Variants in MUC4 observed in about 807,000 individuals in gnomAD.
MUC4 encodes mucin-4.
MUC4 carries 202 observed loss-of-function variants against 257.9 expected under a neutral mutation model. The ratio of observed to expected loss-of-function variants is 0.78; its 90% CI spans 0.70 to 0.88. The LOEUF (loss-of-function observed/expected upper bound fraction) is 0.88. Ranked by LOEUF, MUC4 falls within the 40% of genes least tolerant of loss-of-function variation. The probability of loss-of-function intolerance (pLI) is 0.00; values close to 1 mark genes in which losing one functional copy is unlikely to be tolerated. For missense variants in MUC4, 5,976 were observed against 6,513.7 expected, an observed-to-expected ratio of 0.92 and a Z score of 2.84; for synonymous variants, 2,351 against 2,757.1, an observed-to-expected ratio of 0.85 and a Z score of 4.62.
At chr3:195,767,847 TCGCCACCATCACCCCCAACACCAC>T (rs1721753363) in intron 7 of MUC4, among the ~76,000 whole-genome samples, 1 of 45,928 alleles carries the variant, frequency 2.2e-5, no homozygotes, top group Non-Finnish European at 4.7e-5. Context: ...ACCACCACCA[TCGCCACCATCACCCCCAACACCAC>T]CACCATCACC....
chr3:195,754,779 T>TGTGTATCCATGCATGTATGC (rs1560226063), intron 18 of MUC4, among the ~76,000 whole-genome samples: 2 of 152,234 alleles, frequency 1.3e-5, no homozygotes, highest in African/African-American at 4.8e-5. Flanking sequence ...TCCATGTATG[T>TGTGTATCCATGCATGTATGC]ATGTGTGTAT....
intron 24 of MUC4, among the ~76,000 whole-genome samples, chr3:195,748,513 G>A (rs530481629): frequency 5.6e-4 from 85 of 152,354 alleles, no homozygotes; most frequent in African/African-American, 1.3e-3. Flanking sequence ...GCAGTGAGCC[G>A]AGAACGCACC....
Position 195,782,781 on chromosome 3 carries a change from G to A in MUC4, c.8799C>T (p.Ser2933=), listed in dbSNP as rs779812224. 6.6e-7 allele frequency: 1 copy of A among 1,512,818 alleles called. No homozygotes were observed. Among genetic ancestry groups the A allele is most frequent in the Non-Finnish European group, 8.9e-7 (1 of 1,125,712 alleles). The allele number at this position is 1,512,818 out of a possible 1,614,324, so 93.7% of individuals were successfully genotyped here. A position where few individuals can be genotyped will look rare whatever the true frequency, so the allele number is the denominator to read the frequency against. ...TGTCACCTGTGGATACTGAGGAAAG[G>A]CTGGTGACAGGAAGAGGGGTGGCCT... ...TGQATPLPVT[S]LSSVSTGDTT... The change falls in exon 2 of 25, where the codon AGC becomes AGT. Residue 2933 remains serine (S), a synonymous_variant. Coordinates refer to ENST00000463781, the MANE Select transcript of MUC4 (RefSeq NM_018406.7).
In MUC4 at chr3:195,810,949, T is replaced by A. The variant is rs2149088189; in HGVS notation, c.82+787A>T. ...CTCTTGCTCTGGCTCTGCCTGTCTT[T>A]CTCTCTGCGAGTAAGCCTGGGCTCT... On this transcript the variant is annotated intron_variant, in intron 1 of 24. Coordinates refer to ENST00000463781, the MANE Select transcript of MUC4 (RefSeq NM_018406.7). The surrounding 1 kb of genome is among the most constrained non-coding windows in gnomAD (Gnocchi z 4.2). Among the ~76,000 whole-genome samples, 1 of 152,074 alleles carries A rather than the reference T, an allele frequency of 6.6e-6. No homozygotes were observed. Among genetic ancestry groups the A allele is most frequent in the South Asian group, 2.1e-4 (1 of 4,816 alleles).
chr3:195,748,385 G>A (rs1174058284), intron 24 of MUC4, among the ~76,000 whole-genome samples: 2 of 152,254 alleles, frequency 1.3e-5, no homozygotes, highest in Non-Finnish European at 2.9e-5. Context: ...CCAACATGGC[G>A]AAACCCCGTC....
Position 195,753,455 on chromosome 3 carries a change from G to A in MUC4, c.15329-225C>T. 5 of 552,936 alleles carry A rather than the reference G, an allele frequency of 9.0e-6. No homozygotes were observed. In the South Asian group the frequency reaches 1.2e-4, roughly 14 times the overall value. 34.3% of individuals were successfully genotyped at this position (552,936 alleles called of 1,614,324 possible). ...TCCACTTTTGTGGAGGGACTGGAGT[G>A]TTTCTCAGACCCTCTGCTTCAGAAA... On this transcript the variant is annotated intron_variant, in intron 19 of 24. Transcript: ENST00000463781.
chr3:195,779,467 G>T lies in MUC4; in HGVS notation c.12113C>A (p.Thr4038Asn). The change falls in exon 2 of 25, where the codon ACT (threonine) becomes AAT (asparagine). Residue 4038 changes from threonine (T) to asparagine (N), a missense_variant. Thr to Asn is a moderately conservative substitution (Grantham distance 65). Transcript: ENST00000463781. ...GHATPVPVTS[T>N]SSASTGDTTP... ...GGTGTCACCTGTGGATGCTGAGGAA[G>T]TGCTGGTGACAGGAACAGGGGTGGC... 4 of 1,160,984 alleles carry T rather than the reference G, an allele frequency of 3.4e-6. 1 individual carries two copies. The highest frequency in any genetic ancestry group is 2.3e-6 in the Non-Finnish European group (2 of 870,960). 71.9% of individuals were successfully genotyped at this position (1,160,984 alleles called of 1,614,324 possible).
intron 1 of MUC4, among the ~76,000 whole-genome samples, chr3:195,803,262 C>A (rs952211967): frequency 1.3e-5 from 2 of 152,182 alleles, no homozygotes; most frequent in Non-Finnish European, 2.9e-5. Flanking sequence ...ACAAGACATG[C>A]GGACACAGGA....
rs754642435 is a variant in MUC4, at chr3:195,811,808, C to T, written c.10G>A (p.Ala4Thr). ...ACCCAGGGGACCCTCCTCCAGCGTGCCCCCTTCATGGCTGCGGCAAAAGTC... is the reference window on the plus strand; with the variant it reads ...ACCCAGGGGACCCTCCTCCAGCGTGTCCCCTTCATGGCTGCGGCAAAAGTC... Reference protein sequence around the residue: MKGARWRRVPWVSL... With the variant: MKGTRWRRVPWVSL... The change falls in exon 1 of 25, where the codon GCA becomes ACA. Residue 4 changes from alanine to threonine, a missense_variant. Around this residue, in one of 44 missense-constraint regions of MUC4, gnomAD observed 1,583 missense variants for 1,257.4 expected, o/e 1.26. Transcript: ENST00000463781. 1.2e-6 allele frequency: 2 copies of T among 1,613,706 alleles called. No individual in the cohort carries two copies. The highest frequency in any genetic ancestry group is 1.1e-5 in the South Asian group (1 of 91,076).
At chr3:195,800,462 T>C (rs891215685) in intron 1 of MUC4, among the ~76,000 whole-genome samples, 16 of 152,156 alleles carry the variant, frequency 1.1e-4, no homozygotes, top group African/African-American at 3.6e-4. Flanking sequence ...GAAGGCGCTG[T>C]CAAAATCTCT....
At chr3:195,799,103 T>C (rs1247969844) in intron 1 of MUC4, among the ~76,000 whole-genome samples, 5 of 152,202 alleles carry the variant, frequency 3.3e-5, no homozygotes, top group Non-Finnish European at 7.3e-5. Context: ...GTGTCCACCA[T>C]ACCCACCTCT....
chr3:195,747,051 C>G lies in MUC4; in HGVS notation c.*125G>C. 1.5e-6 allele frequency: 2 copies of G among 1,305,160 alleles called. No homozygotes were observed. The highest frequency in any genetic ancestry group is 2.2e-6 in the Non-Finnish European group (2 of 923,924). 80.8% of individuals were successfully genotyped at this position (1,305,160 alleles called of 1,614,324 possible). A position where few individuals can be genotyped will look rare whatever the true frequency, so the allele number is the denominator to read the frequency against. The stretch of plus-strand genomic sequence containing the variant: ...CTTGTCTTGATTCCCAGTATTCATT[C>G]TCCTTGAAGAATCCTGACAGCCTTC... On this transcript the variant is annotated 3_prime_UTR_variant, in exon 25 of 25. Transcript: ENST00000463781.
intron 17 of MUC4, among the ~76,000 whole-genome samples, chr3:195,758,901 C>G (rs1718218139): frequency 6.6e-6 from 1 of 152,026 alleles, no homozygotes; most frequent in African/African-American, 2.4e-5. Flanking sequence ...CAGAGTCACT[C>G]TAGCTATCTG....
intron 7 of MUC4, among the ~76,000 whole-genome samples, chr3:195,767,644 G>GCCA (rs1199351487): frequency 1.3e-4 from 3 of 22,722 alleles, no homozygotes; most frequent in Admixed American, 4.2e-4. Context: ...CACCACCATC[G>GCCA]CCACCACCAC....
rs991812390 is a variant in MUC4 at position 195,788,775 on chromosome 3, G to C, written c.2805C>G (p.Val935=). Residue 935 remains valine (V), a synonymous_variant, in exon 2 of 25, where the codon GTC becomes GTG. Coordinates refer to ENST00000463781, the MANE Select transcript of MUC4 (RefSeq NM_018406.7). ...ASQATDTFST[V]PPTPPSITST... ...ATGTGATCGATGGAGGTGTGGGTGG[G>C]ACTGTTGAGAAGGTGTCGGTTGCCT... The C allele has an allele frequency of 1.2e-6, 2 of 1,613,940 alleles. No homozygotes were observed. Among genetic ancestry groups the C allele is most frequent in the Non-Finnish European group, 1.7e-6 (2 of 1,179,844 alleles).
intron 10 of MUC4, among the ~76,000 whole-genome samples, 156 bp from the exon 11 acceptor site, chr3:195,764,320 G>A (rs1384950540): frequency 1.3e-5 from 2 of 151,138 alleles, no homozygotes; most frequent in South Asian, 2.1e-4. Context: ...AGGGCAGGGC[G>A]GTGTTGGTGG....
At chr3:195,805,848 G>A (rs962786866) in intron 1 of MUC4, among the ~76,000 whole-genome samples, 1 of 151,512 alleles carries the variant, frequency 6.6e-6, no homozygotes, top group African/African-American at 2.4e-5. Context: ...GGGCGCAGTG[G>A]CTCACACTGG....
chr3:195,749,669 AATGGGAAT>A (rs1433898224), intron 23 of MUC4, among the ~76,000 whole-genome samples: 2 of 152,236 alleles, frequency 1.3e-5, no homozygotes, highest in Admixed American at 6.5e-5. Context: ...TAATATGTCA[AATGGGAAT>A]GTGGACAGAA....
rs201458132 is a variant in MUC4, at chr3:195,784,465, G to C, written c.7115C>G (p.Thr2372Ser). The C allele has an allele frequency of 0.023, 30,027 of 1,305,770 alleles. 2,997 individuals are homozygous for C. The highest frequency in any genetic ancestry group is 0.072 in the Middle Eastern group (287 of 4,004). The allele number at this position is 1,305,770 out of a possible 1,614,324, so 80.9% of individuals were successfully genotyped here. Residue 2372 changes from threonine (T) to serine (S), a missense_variant, in exon 2 of 25, where the codon ACC becomes AGC. Transcript: ENST00000463781. Reference protein sequence around the residue: ...STGDTTPLPVTSSSSASSGHT... With the variant: ...STGDTTPLPVSSSSSASSGHT... ...ACCTGAGGATGCTGAGGAAGAGCTG[G>C]TGACAGGAAGAGGGGTGGTGTCACC...
Sources: gnomAD v4.1 joint callset for allele counts (sites outside exome capture counted in the v4.1 genomes callset) on GRCh38, gnomAD v4.1.1 for gene constraint, gnomAD v4.1.1 regional missense constraint, Gnocchi (gnomAD v3.1) non-coding constraint, MANE v1.5 for transcripts, NCBI Gene and HGNC (gene_info 2026-07-23, HGNC 2026-07-21) for gene names.